DMXL1: variants seen among roughly 807,000 people sequenced by gnomAD.
DMXL1 encodes the protein Dmx like 1.
Under a neutral mutation model 319.2 loss-of-function variants are expected in DMXL1, and 99 were observed. The ratio of observed to expected loss-of-function variants is 0.31; its 90% CI spans 0.26 to 0.37. The LOEUF (loss-of-function observed/expected upper bound fraction) is 0.37, where lower values mean the gene tolerates loss of function less well. Among genes scored for constraint, DMXL1 ranks in the 10% least tolerant of loss-of-function variants. DMXL1 has a pLI of 1.00. For missense variants in DMXL1, 3,745 were observed against 3,595.6 expected, an observed-to-expected ratio of 1.04 and a Z score of -1.06; for synonymous variants, 1,385 against 1,235.2, an observed-to-expected ratio of 1.12 and a Z score of -2.54.
chr5:119,129,293 A>G lies in DMXL1; in HGVS notation c.1185A>G (p.Leu395=), dbSNP rs762362927. The part of the protein sequence containing the change: ...EKTGPFVVHW[L]NNKELHFTLS... ...CCGGACCTTTTGTTGTACACTGGCTAAACAATAAAGAACTGCATTTTACTT... is the reference window on the plus strand; with the variant it reads ...CCGGACCTTTTGTTGTACACTGGCTGAACAATAAAGAACTGCATTTTACTT... Residue 395 remains leucine (L), a synonymous_variant, in exon 10 of 44, where the codon CTA becomes CTG. Coordinates refer to ENST00000539542, the MANE Select transcript of DMXL1 (RefSeq NM_001290321.3). 1 of 1,613,776 alleles carries G rather than the reference A, an allele frequency of 6.2e-7. No homozygotes were observed. The highest frequency in any genetic ancestry group is 8.5e-7 in the Non-Finnish European group (1 of 1,179,804).
rs372184536 is a variant in DMXL1 at position 119,197,882 on chromosome 5, C to T, written c.7671C>T (p.Ala2557=). The T allele has an allele frequency of 1.4e-5, 23 of 1,614,028 alleles. No homozygotes were observed. Among genetic ancestry groups the T allele is most frequent in the South Asian group, 4.4e-5 (4 of 91,078 alleles). The change falls in exon 32 of 44, where the codon GCC becomes GCT. Residue 2557 remains alanine, a synonymous_variant. Transcript: ENST00000539542. ...PPQNYIASHT[A]EESLSAGPAI... ...AAAATTATATCGCAAGTCATACCGCCGAAGAGAGTTTGTCTGCAGGTCCTG... is the reference window on the plus strand; with the variant it reads ...AAAATTATATCGCAAGTCATACCGCTGAAGAGAGTTTGTCTGCAGGTCCTG...
chr5:119,208,210 ATTTTTTT>A lies in DMXL1; in HGVS notation c.7926+1327_7926+1333del, dbSNP rs528514068. Among the ~76,000 whole-genome samples the A allele has an allele frequency of 8.7e-3, 1,186 of 135,884 alleles. 23 individuals carry two copies. The highest frequency in any genetic ancestry group is 0.03 in the African/African-American group (1,126 of 37,110). 89.1% of individuals were successfully genotyped at this position (135,884 alleles called of 152,430 possible). A position where few individuals can be genotyped will look rare whatever the true frequency, so the allele number is the denominator to read the frequency against. On this transcript the variant is annotated intron_variant, in intron 34 of 43. Transcript: ENST00000539542. The stretch of plus-strand genomic sequence containing the variant: ...TATTACTGTCTACACATTATCAGGA[ATTTTTTT>A]TTTTTTTTTTTTGGAAACAGAGTTT...
chr5:119,112,124 G>A (rs1474540985), intron 5 of DMXL1, among the ~76,000 whole-genome samples: 1 of 152,024 alleles, frequency 6.6e-6, no homozygotes, highest in Non-Finnish European at 1.5e-5. Context: ...ACCATGCCCG[G>A]CTAATTTTTT....
chr5:119,129,488 G>T, intron 10 of DMXL1, 65 bp downstream of exon 10: 1 of 1,131,656 alleles, frequency 8.8e-7, no homozygotes, highest in Non-Finnish European at 1.3e-6. Flanking sequence ...TTCATATTAG[G>T]GTAAAACTAG....
chr5:119,180,707 G>A (rs1192245292), intron 28 of DMXL1, among the ~76,000 whole-genome samples: 1 of 151,778 alleles, frequency 6.6e-6, no homozygotes, highest in Non-Finnish European at 1.5e-5. Flanking sequence ...ATTTGCCTTG[G>A]ACTATATTTA....
rs1561732266 is a variant in DMXL1 at position 119,150,428 on chromosome 5, CT to C, written c.4594+8del. 1 of 1,605,982 alleles carries C rather than the reference CT, an allele frequency of 6.2e-7. No individual in the cohort carries two copies. The highest frequency in any genetic ancestry group is 8.5e-7 in the Non-Finnish European group (1 of 1,176,966). ...AGCCGAGACAGAAGCCAAGGTAAAA[CT>C]AAACTCCGTACTGATAACATTTTTA... On this transcript the variant is annotated splice_region_variant and intron_variant, in intron 18 of 43. Transcript: ENST00000539542.
chr5:119,138,436 CTG>C (rs1467755042), intron 13 of DMXL1, among the ~76,000 whole-genome samples: 2 of 152,124 alleles, frequency 1.3e-5, no homozygotes, highest in Non-Finnish European at 2.9e-5. Context: ...AGGTTAGTAT[CTG>C]GAGTTCAGAG....
chr5:119,127,659 G>C (rs865821506), intron 9 of DMXL1: 7 of 171,578 alleles, frequency 4.1e-5, no homozygotes, highest in African/African-American at 1.7e-4. Flanking sequence ...GGCTGGTCTC[G>C]AACCCCTGGC....
At chr5:119,071,959 G>T (rs2149640654) in intron 1 of DMXL1, among the ~76,000 whole-genome samples, 1 of 152,284 alleles carries the variant, frequency 6.6e-6, no homozygotes, top group South Asian at 2.1e-4. Context: ...TCTTTGTTGA[G>T]TAACGAGTTG....
At chr5:119,220,763 A>C (rs971608438) in intron 36 of DMXL1, among the ~76,000 whole-genome samples, 170 bp downstream of exon 36, 4 of 152,360 alleles carry the variant, frequency 2.6e-5, no homozygotes, top group African/African-American at 9.6e-5. Flanking sequence ...AACTGAGAGA[A>C]GAGTAAGTGA....
intron 39 of DMXL1, among the ~76,000 whole-genome samples, chr5:119,235,843 T>C (rs1307879310): frequency 1.3e-5 from 2 of 152,062 alleles, no homozygotes; most frequent in African/African-American, 2.4e-5. Context: ...TCGATGTGCA[T>C]CCAAACTATC....
chr5:119,154,036 A>T (rs1581050083), intron 19 of DMXL1, among the ~76,000 whole-genome samples: 1 of 152,196 alleles, frequency 6.6e-6, no homozygotes, highest in Admixed American at 6.5e-5. Context: ...AACTGCGCCT[A>T]TGTAGGACAA....
At chr5:119,089,292 ATTTTTTTTT>A (rs1157921856) in intron 1 of DMXL1, among the ~76,000 whole-genome samples, 11 of 39,878 alleles carry the variant, frequency 2.8e-4, no homozygotes, top group African/African-American at 7.5e-4. Flanking sequence ...ATATATATAT[ATTTTTTTTT>A]TTTTTTTTTT....
rs750357818 is a variant in DMXL1, at chr5:119,247,094, G to A, written c.9022G>A (p.Glu3008Lys). ...TATTGGAACTGGAGTGATGCAAATT[G>A]AGACAGGGCCTGCAAATCACATTTT... ...RNIGTGVMQI[E>K]TGPANHIFSC... is the part of the protein sequence containing the mutation. The change falls in exon 44 of 44, where the codon GAG (glutamate) becomes AAG (lysine). Residue 3008 changes from glutamate (E) to lysine (K), a missense_variant. Glu to Lys is a moderately conservative substitution (Grantham distance 56). Transcript: ENST00000539542. The A allele has an allele frequency of 6.2e-7, 1 of 1,614,146 alleles. No homozygotes were observed. The highest frequency in any genetic ancestry group is 8.5e-7 in the Non-Finnish European group (1 of 1,179,988).
At chr5:119,192,378 A>AGG (rs1778849967) in intron 29 of DMXL1, among the ~76,000 whole-genome samples, 1 of 152,152 alleles carries the variant, frequency 6.6e-6, no homozygotes, top group Non-Finnish European at 1.5e-5. Flanking sequence ...TCAGGACAGA[A>AGG]ATGTGCTTTA....
chr5:119,146,780 T>G lies in DMXL1; in HGVS notation c.2570-57T>G, dbSNP rs2150125195. 3 of 1,486,000 alleles carry G rather than the reference T, an allele frequency of 2.0e-6. No individual in the cohort carries two copies. In the South Asian group the frequency reaches 4.3e-5, roughly 21 times the overall value. 92.1% of individuals were successfully genotyped at this position (1,486,000 alleles called of 1,614,324 possible). A position where few individuals can be genotyped will look rare whatever the true frequency, so the allele number is the denominator to read the frequency against. On this transcript the variant is annotated intron_variant, in intron 15 of 43. Coordinates refer to ENST00000539542, the MANE Select transcript of DMXL1 (RefSeq NM_001290321.3). ...TCCAATTATTTTAACTTGGCATGTT[T>G]AGCAAGTTGTCTCTTTTACACATAG... is the stretch of plus-strand genomic sequence containing the variant.
intron 13 of DMXL1, among the ~76,000 whole-genome samples, chr5:119,136,502 T>C (rs776933813): frequency 6.6e-6 from 1 of 152,144 alleles, no homozygotes; most frequent in African/African-American, 2.4e-5. Flanking sequence ...GCCAAGGCAA[T>C]GGGGAAAATG....
At chr5:119,191,797 A>G (rs1249171613) in intron 29 of DMXL1, among the ~76,000 whole-genome samples, 8 of 152,282 alleles carry the variant, frequency 5.3e-5, no homozygotes, top group Non-Finnish European at 1.5e-5. Context: ...TTCCCTGCTG[A>G]CCCTGGTGGA....
chr5:119,220,355 C>T, intron 35 of DMXL1, 117 bp from the exon 36 acceptor site: 1 of 819,544 alleles, frequency 1.2e-6, no homozygotes, highest in Non-Finnish European at 1.9e-6. Context: ...TGCTGTATAT[C>T]CTGTACTTTA....
Sources: gnomAD v4.1 joint callset for allele counts (sites outside exome capture counted in the v4.1 genomes callset) on GRCh38, gnomAD v4.1.1 for gene constraint, MANE v1.5 for transcripts, NCBI Gene and HGNC (gene_info 2026-07-23, HGNC 2026-07-21) for gene names.